Variants in PLLP observed in about 807,000 individuals in gnomAD.
The protein encoded by PLLP is plasmolipin.
PLLP carries 15 observed loss-of-function variants against 19.7 expected under a neutral mutation model. That is an observed-to-expected ratio of 0.76 (90% CI 0.51 to 1.17). PLLP has a LOEUF of 1.17. Among genes scored for constraint, PLLP ranks in the 50% most tolerant of loss-of-function variants. The pLI, the probability that PLLP is intolerant of heterozygous loss-of-function variation, is 0.00. For missense variants in PLLP, 255 were observed against 258.3 expected, an observed-to-expected ratio of 0.99 and a Z score of 0.09; for synonymous variants, 111 against 116.3, an observed-to-expected ratio of 0.95 and a Z score of 0.29.
chr16:57,270,878 C>A (rs149934056), intron 1 of PLLP, among the ~76,000 whole-genome samples: 202 of 152,248 alleles, frequency 1.3e-3, no homozygotes, highest in African/African-American at 4.6e-3. Context: ...CTTTTCTCGT[C>A]GGAAAAATGG....
intron 1 of PLLP, among the ~76,000 whole-genome samples, chr16:57,270,571 C>A (rs72778737): frequency 4.6e-5 from 7 of 152,036 alleles, no homozygotes; most frequent in Admixed American, 1.3e-4. Context: ...TCCCCACCCC[C>A]GCTCTGGCCC....
intron 1 of PLLP, 146 bp from the exon 2 acceptor site, chr16:57,262,216 G>T (rs2075444207): frequency 1.4e-6 from 1 of 729,236 alleles, no homozygotes; most frequent in Non-Finnish European, 2.3e-6. Flanking sequence ...GAGGCCAGGA[G>T]TTCAAGACCA....
intron 1 of PLLP, among the ~76,000 whole-genome samples, chr16:57,266,430 C>G (rs1185565718): frequency 6.6e-6 from 1 of 152,192 alleles, no homozygotes; most frequent in Non-Finnish European, 1.5e-5. Context: ...GAGCCCCCAG[C>G]CCAGTCCCCC....
At chr16:57,273,117 G>A (rs138707557) in intron 1 of PLLP, among the ~76,000 whole-genome samples, 6,875 of 151,596 alleles carry the variant, frequency 0.045, 478 homozygotes, top group African/African-American at 0.15. Context: ...AAAATTAGCC[G>A]GGCACGGTGG....
chr16:57,271,355 T>C (rs192811645), intron 1 of PLLP, among the ~76,000 whole-genome samples: 133 of 152,016 alleles, frequency 8.7e-4, no homozygotes, highest in African/African-American at 3.1e-3. Context: ...TTTAGAAAAG[T>C]CTTCCCACCC....
intron 2 of PLLP, among the ~76,000 whole-genome samples, chr16:57,261,057 G>A (rs543527686): frequency 9.2e-5 from 14 of 151,496 alleles, no homozygotes; most frequent in African/African-American, 2.7e-4. Context: ...GTGTGATCTC[G>A]GCTCACTGCA....
chr16:57,267,650 G>A (rs1376976254), intron 1 of PLLP, among the ~76,000 whole-genome samples: 5 of 151,932 alleles, frequency 3.3e-5, no homozygotes, highest in Non-Finnish European at 7.4e-5. Context: ...GGCTGAGGCA[G>A]GTGGATCACC....
At chr16:57,283,944 C>G (rs888849796) in intron 1 of PLLP, among the ~76,000 whole-genome samples, 1 of 152,062 alleles carries the variant, frequency 6.6e-6, no homozygotes, top group African/African-American at 2.4e-5. Flanking sequence ...AGAAGGTGGT[C>G]AGAGAGTGGA....
In PLLP at chr16:57,256,900, T is replaced by C; in HGVS notation, c.*13A>G. The C allele has an allele frequency of 1.3e-6, 2 of 1,576,976 alleles. No individual in the cohort carries two copies. Among genetic ancestry groups the C allele is most frequent in the Non-Finnish European group, 1.7e-6 (2 of 1,147,924 alleles). On this transcript the variant is annotated 3_prime_UTR_variant, in exon 4 of 4. Transcript: ENST00000219207. ...GCGGCTTCAGCCCCAGAGGGGGCCG[T>C]GGCACAGGTGGTTTAGGCATAGCCG...
At chr16:57,281,721 C>T (rs1901221795) in intron 1 of PLLP, among the ~76,000 whole-genome samples, 1 of 151,920 alleles carries the variant, frequency 6.6e-6, no homozygotes, top group South Asian at 2.1e-4. Context: ...CCCTGTTAGC[C>T]GGGATGGTCT....
intron 1 of PLLP, among the ~76,000 whole-genome samples, chr16:57,271,046 G>A (rs1410883091): frequency 6.6e-6 from 1 of 152,144 alleles, no homozygotes; most frequent in African/African-American, 2.4e-5. Flanking sequence ...CTGCTTCCTG[G>A]GGCTATGGCA....
chr16:57,281,037 C>T (rs1165461490), intron 1 of PLLP, among the ~76,000 whole-genome samples: 1 of 152,148 alleles, frequency 6.6e-6, no homozygotes, highest in Non-Finnish European at 1.5e-5. Context: ...CATTTATTTC[C>T]TGCTCCATGC....
At chr16:57,283,477 C>G (rs1901243546) in intron 1 of PLLP, among the ~76,000 whole-genome samples, 1 of 152,212 alleles carries the variant, frequency 6.6e-6, no homozygotes, top group Non-Finnish European at 1.5e-5. Flanking sequence ...CGCTGGATTG[C>G]TAAGAAATAC....
At chr16:57,266,410 C>T (rs2075457478) in intron 1 of PLLP, among the ~76,000 whole-genome samples, 1 of 152,216 alleles carries the variant, frequency 6.6e-6, no homozygotes, top group Non-Finnish European at 1.5e-5. Context: ...ACTGGTTTCT[C>T]CTGGTTCCTG....
intron 1 of PLLP, among the ~76,000 whole-genome samples, chr16:57,262,749 T>C: frequency 6.6e-6 from 1 of 151,610 alleles, no homozygotes; most frequent in East Asian, 1.9e-4. Context: ...TAGAAAAAAA[T>C]TTAAAAAGGA....
chr16:57,256,945 C>A lies in PLLP; in HGVS notation c.517G>T (p.Ala173Ser). 6.2e-7 allele frequency: 1 copy of A among 1,613,580 alleles called. No homozygotes were observed. Among genetic ancestry groups the A allele is most frequent in the Non-Finnish European group, 8.5e-7 (1 of 1,179,676 alleles). The part of the protein sequence containing the change: ...QAWRGVGSNA[A>S]TSQMAGGYA The stretch of plus-strand genomic sequence containing the variant: ...TAGCCGCCAGCCATCTGACTGGTGG[C>A]CGCATTGCTGCCTACTCCTCGCCAG... The change falls in exon 4 of 4, where the codon GCC (alanine) becomes TCC (serine). Residue 173 changes from alanine (A) to serine (S), a missense_variant. Physicochemically the swap from Ala to Ser is moderately conservative, Grantham distance 99. Transcript: ENST00000219207.
rs574093513 is a variant in PLLP, at chr16:57,259,975, TA to T, written c.310-1392del. Among the ~76,000 whole-genome samples, 826 of 112,442 alleles carry T rather than the reference TA, an allele frequency of 7.3e-3. 3 individuals carry two copies. Among genetic ancestry groups the T allele is most frequent in the East Asian group, 0.022 (90 of 4,022 alleles). The allele number at this position is 112,442 out of a possible 152,430, so 73.8% of individuals were successfully genotyped here. The stretch of plus-strand genomic sequence containing the variant: ...CTGGGCAACAGAGCGGGACTTTGTC[TA>T]AAAAAAAAAAAAAAAAAACTTAGGA... On this transcript the variant is annotated intron_variant, in intron 2 of 3. Transcript: ENST00000219207.
At chr16:57,269,200 C>A (rs1185302729) in intron 1 of PLLP, among the ~76,000 whole-genome samples, 1 of 152,220 alleles carries the variant, frequency 6.6e-6, no homozygotes, top group African/African-American at 2.4e-5. Context: ...GAGGTCAACA[C>A]TCCTGAACAT....
intron 1 of PLLP, among the ~76,000 whole-genome samples, chr16:57,282,511 C>T (rs1171300052): frequency 6.6e-6 from 1 of 151,912 alleles, no homozygotes; most frequent in African/African-American, 2.4e-5. Flanking sequence ...CAGGGGCCAG[C>T]CTCAGGATCC....
Sources: gnomAD v4.1 joint callset for allele counts (sites outside exome capture counted in the v4.1 genomes callset) on GRCh38, gnomAD v4.1.1 for gene constraint, MANE v1.5 for transcripts, NCBI Gene and HGNC (gene_info 2026-07-23, HGNC 2026-07-21) for gene names.